KCNH2: variants seen among roughly 807,000 people sequenced by gnomAD.
KCNH2 encodes voltage-gated inwardly rectifying potassium channel KCNH2.
A neutral mutation model predicts 95.9 loss-of-function variants in KCNH2; 35 were observed. The ratio of observed to expected loss-of-function variants is 0.37; its 90% confidence interval spans 0.28 to 0.48. KCNH2 has a LOEUF of 0.48. Among genes scored for constraint, KCNH2 ranks in the 20% least tolerant of loss-of-function variants. The pLI is 0.99. For missense variants in KCNH2, 1,274 were observed against 1,702.9 expected (o/e 0.75, Z 4.43); for synonymous variants, 786 against 754.7 (o/e 1.04, Z -0.68).
At chr7:150,968,908 C>T (rs1563183402) in intron 2 of KCNH2, among the ~76,000 whole-genome samples, 1 of 152,164 alleles carries the variant, frequency 6.6e-6, no homozygotes, top group African/African-American at 2.4e-5. Context: ...TGCTTCATGG[C>T]GAGGAGAATG....
chr7:150,946,887 G>C lies in KCNH2; in HGVS notation c.3320C>G (p.Ser1107Trp). 3 of 1,597,634 alleles carry C rather than the reference G, an allele frequency of 1.9e-6. No individual in the cohort carries two copies. Among genetic ancestry groups the C allele is most frequent in the Non-Finnish European group, 2.6e-6 (3 of 1,169,116 alleles). The part of the protein sequence containing the change: ...VSPLPTLTLD[S>W]LSQVSQFMAC... Reference sequence around the variant, plus strand: ...AGGGCTGGAGCTTACCTGAGAAAGCGAGTCCAAGGTGAGGGTGGGGAGGGG... The same window carrying C: ...AGGGCTGGAGCTTACCTGAGAAAGCCAGTCCAAGGTGAGGGTGGGGAGGGG... The change falls in exon 14 of 15, where the codon TCG (serine) becomes TGG (tryptophan). Residue 1107 changes from serine to tryptophan, a missense_variant. Ser to Trp is a radical substitution (Grantham distance 177). This residue lies in a region of KCNH2 where 457 missense variants were observed against 416.1 expected (regional missense o/e 1.10). Coordinates refer to ENST00000262186, the MANE Select transcript of KCNH2 (RefSeq NM_000238.4). The surrounding 1 kb of genome is among the most constrained non-coding windows in gnomAD (Gnocchi z 6.5).
intron 2 of KCNH2, among the ~76,000 whole-genome samples, chr7:150,963,237 G>A (rs1359885214): frequency 6.6e-6 from 1 of 152,220 alleles, no homozygotes; most frequent in Non-Finnish European, 1.5e-5. Context: ...GGCGGAGGGG[G>A]TGCAACAGGG....
intron 2 of KCNH2, among the ~76,000 whole-genome samples, chr7:150,967,590 T>C (rs971412870): frequency 1.3e-5 from 2 of 152,142 alleles, no homozygotes; most frequent in Non-Finnish European, 2.9e-5. Flanking sequence ...GCACATTACA[T>C]GGAAAAAATA....
At chr7:150,977,749 A>C in intron 1 of KCNH2, 89 bp downstream of exon 1, 13 of 1,096,806 alleles carry the variant, frequency 1.2e-5, no homozygotes, top group Admixed American at 2.2e-5. Context: ...GCCGACGCAC[A>C]CGGCCCGGGC....
intron 1 of KCNH2, 61 bp from the exon 2 acceptor site, chr7:150,975,002 C>T: frequency 7.0e-7 from 1 of 1,424,098 alleles, no homozygotes; most frequent in South Asian, 1.3e-5. Flanking sequence ...GACTCCCAGC[C>T]CTTCCCCACA....
Position 150,962,736 on chromosome 7 carries a change from A to C in KCNH2, c.308-3000T>G, listed in dbSNP as rs1328679738. On this transcript the variant is annotated intron_variant, in intron 2 of 14. Transcript: ENST00000262186. This position sits in a 1 kb window ranked among gnomAD's most constrained non-coding sequence, Gnocchi z 5.7. ...AACCCTGTCAAAGGCCTGGTTATTC[A>C]AAAAATGTGAACTGGAGCCCTGCCT... 1.3e-5 allele frequency among the ~76,000 whole-genome samples: 2 copies of C among 152,102 alleles called. No homozygotes were observed. The highest frequency in any genetic ancestry group is 2.9e-5 in the Non-Finnish European group (2 of 68,032).
chr7:150,947,222 C>T, intron 13 of KCNH2, 106 bp downstream of exon 13: 1 of 1,159,006 alleles, frequency 8.6e-7, no homozygotes, highest in Non-Finnish European at 1.2e-6. Context: ...GAAGGGGATC[C>T]AGCTGCTGCA....
chr7:150,956,261 G>T (rs1018065473), intron 5 of KCNH2, among the ~76,000 whole-genome samples: 8 of 152,180 alleles, frequency 5.3e-5, no homozygotes, highest in Non-Finnish European at 1.2e-4. Flanking sequence ...CCAGATAAGG[G>T]CCTGGGGTGA....
intron 5 of KCNH2, among the ~76,000 whole-genome samples, chr7:150,956,970 G>T (rs1216239142): frequency 6.6e-6 from 1 of 151,976 alleles, no homozygotes; most frequent in East Asian, 1.9e-4. Flanking sequence ...CTTGCTACTG[G>T]CCCTGTCATG....
chr7:150,955,404 C>A, intron 5 of KCNH2: 11 of 1,559,534 alleles, frequency 7.1e-6, no homozygotes, highest in Non-Finnish European at 8.7e-6. Context: ...ACCTCCTGGG[C>A]CACGAGGCTG....
chr7:150,970,909 C>T (rs1801824974), intron 2 of KCNH2, among the ~76,000 whole-genome samples: 1 of 152,208 alleles, frequency 6.6e-6, no homozygotes, highest in South Asian at 2.1e-4. Context: ...ATACACCAAT[C>T]CCTGTCCCAC....
At chr7:150,951,917 G>A (rs1168653845) in intron 6 of KCNH2, 82 bp from the exon 7 acceptor site, 35 of 1,328,522 alleles carry the variant, frequency 2.6e-5, no homozygotes, top group Admixed American at 1.3e-4. Context: ...CCCTCAGAGC[G>A]AGCATCAGAG....
intron 2 of KCNH2, among the ~76,000 whole-genome samples, chr7:150,967,336 G>C (rs971686433): frequency 6.6e-6 from 1 of 152,168 alleles, no homozygotes; most frequent in African/African-American, 2.4e-5. Flanking sequence ...TCCACAAATA[G>C]CTATGTCAGC....
Position 150,948,421 on chromosome 7 carries a change from C to A in KCNH2, c.2692+23G>T, listed in dbSNP as rs745367191. On this transcript the variant is annotated intron_variant, in intron 11 of 14. Coordinates refer to ENST00000262186, the MANE Select transcript of KCNH2 (RefSeq NM_000238.4). ...GCCTCACCTTGTCCCCGCCCTCCCC[C>A]TTCCTCCCCTCCCCCGCCTCACCCT... 5 of 1,360,856 alleles carry A rather than the reference C, an allele frequency of 3.7e-6. No homozygotes were observed. The South Asian group carries it at 6.0e-5, about 16-fold the overall frequency. 84.3% of individuals were successfully genotyped at this position (1,360,856 alleles called of 1,614,324 possible).
intron 2 of KCNH2, among the ~76,000 whole-genome samples, chr7:150,970,163 G>A (rs772523310): frequency 2.0e-5 from 3 of 152,126 alleles, no homozygotes; most frequent in African/African-American, 4.8e-5. Context: ...TTTCAGGAAC[G>A]CTTCAGGGAA....
At position 150,947,744 on chromosome 7, in the gene KCNH2, C is replaced by T. The variant is rs865810503; in HGVS notation, c.2827G>A (p.Asp943Asn). The change falls in exon 12 of 15, where the codon GAT becomes AAT. Residue 943 changes from aspartate to asparagine, a missense_variant. Asp to Asn is a conservative substitution (Grantham distance 23). Transcript: ENST00000262186. ...SGPSSPESSE[D>N]EGPGRSSSPL... ...CTGGAGCTGCGGCCTGGGCCCTCAT[C>T]CTCACTGCTCTCAGGGCTGGAGGGG... The T allele has an allele frequency of 6.4e-7, 1 of 1,552,244 alleles. No homozygotes were observed. The highest frequency in any genetic ancestry group is 1.2e-5 in the South Asian group (1 of 85,192).
rs794728362 is a variant in KCNH2, at chr7:150,958,098, C to A, written c.877G>T (p.Ala293Ser). Residue 293 changes from alanine (A) to serine (S), a missense_variant, in exon 4 of 15, where the codon GCC becomes TCC. Physicochemically the swap from Ala to Ser is moderately conservative, Grantham distance 99 (BLOSUM62 1). Coordinates refer to ENST00000262186, the MANE Select transcript of KCNH2 (RefSeq NM_000238.4). ...CGCGGTGGCGGGGGCAGCACCCCGG[C>A]GCGCATGGCCTCGATGTCGTCGGCC... Reference protein sequence around the residue: ...SSADDIEAMRAGVLPPPPRHA... With the variant: ...SSADDIEAMRSGVLPPPPRHA... 1.6e-5 allele frequency: 21 copies of A among 1,286,962 alleles called. No homozygotes were observed. The highest frequency in any genetic ancestry group is 2.0e-5 in the Non-Finnish European group (20 of 1,021,334). 79.7% of individuals were successfully genotyped at this position (1,286,962 alleles called of 1,614,324 possible).
intron 2 of KCNH2, among the ~76,000 whole-genome samples, chr7:150,963,848 C>T (rs941173649): frequency 2.6e-5 from 4 of 152,202 alleles, no homozygotes; most frequent in African/African-American, 4.8e-5. Flanking sequence ...CAGAGCAGAG[C>T]GGGAGAGCCA....
At chr7:150,955,780 C>CGCCA in intron 5 of KCNH2, 1 of 1,201,816 alleles carries the variant, frequency 8.3e-7, no homozygotes, top group Non-Finnish European at 1.0e-6. Context: ...TCTGCCCGCC[C>CGCCA]GCCAGCCCAG....
Sources: allele counts gnomAD v4.1 joint callset (sites outside exome capture counted in the v4.1 genomes callset), GRCh38; gene constraint gnomAD v4.1.1; regional missense constraint gnomAD v4.1.1; non-coding constraint Gnocchi (gnomAD v3.1); transcripts MANE v1.5; gene names NCBI Gene and HGNC (gene_info 2026-07-23, HGNC 2026-07-21).